The following HIP1 variants were observed in gnomAD, a reference collection of about 807,000 sequenced individuals.
HIP1 encodes the protein huntingtin-interacting protein 1.
Under a neutral mutation model 147.6 loss-of-function variants are expected in HIP1, and 65 were observed. The observed-to-expected ratio is 0.44, with a 90% CI of 0.36 to 0.54. The LOEUF is 0.54. Among genes scored for constraint, HIP1 ranks in the 20% least tolerant of loss-of-function variants. The probability of loss-of-function intolerance (pLI) is 0.00; values close to 1 mark genes in which losing one functional copy is unlikely to be tolerated. For missense variants in HIP1, 1,061 were observed against 1,299.6 expected, an observed-to-expected ratio of 0.82 and a Z score of 2.82; for synonymous variants, 479 against 504.0, an observed-to-expected ratio of 0.95 and a Z score of 0.67.
chr7:75,704,744 T>A (rs571306449), intron 1 of HIP1, among the ~76,000 whole-genome samples: 37 of 151,744 alleles, frequency 2.4e-4, no homozygotes, highest in African/African-American at 8.7e-4. Flanking sequence ...CGGCTAATTT[T>A]TGTATTTCTG....
intron 27 of HIP1, among the ~76,000 whole-genome samples, chr7:75,543,995 AC>A (rs1302707406): frequency 6.6e-6 from 1 of 151,536 alleles, no homozygotes; most frequent in Admixed American, 6.6e-5. Flanking sequence ...ACGCGGTGAA[AC>A]CCCGTCTCCA....
chr7:75,679,363 C>G (rs556592856), intron 1 of HIP1, among the ~76,000 whole-genome samples: 26 of 152,250 alleles, frequency 1.7e-4, no homozygotes, highest in Non-Finnish European at 3.5e-4. Context: ...ACCAGCACGC[C>G]TGGCTCATTT....
At position 75,556,697 on chromosome 7, in the gene HIP1, A is replaced by AT; in HGVS notation, c.1683+12_1683+13insA. 2.0e-6 allele frequency: 3 copies of AT among 1,515,000 alleles called. No individual in the cohort carries two copies. The highest frequency in any genetic ancestry group is 2.7e-6 in the Non-Finnish European group (3 of 1,099,104). The allele number at this position is 1,515,000 out of a possible 1,614,324, so 93.8% of individuals were successfully genotyped here. On this transcript the variant is annotated intron_variant, in intron 17 of 30. Coordinates refer to ENST00000336926, the MANE Select transcript of HIP1 (RefSeq NM_005338.7). ...GAAGACTCTATCTCCAAAAAAAAAAAGGAGGTATTTACCTGGGCAGAAGTT... is the reference window on the plus strand; with the variant it reads ...GAAGACTCTATCTCCAAAAAAAAAAATGGAGGTATTTACCTGGGCAGAAGTT...
rs1554501696 is a variant in HIP1 at position 75,595,251 on chromosome 7, TCTTCCTTC to T, written c.185-2745_185-2738del. Among the ~76,000 whole-genome samples the T allele has an allele frequency of 7.5e-3, 446 of 59,444 alleles. 12 individuals are homozygous for T. Among genetic ancestry groups the T allele is most frequent in the East Asian group, 0.027 (54 of 1,980 alleles). The allele number at this position is 59,444 out of a possible 152,430, so 39.0% of individuals were successfully genotyped here. On this transcript the variant is annotated intron_variant, in intron 2 of 30. Coordinates refer to ENST00000336926, the MANE Select transcript of HIP1 (RefSeq NM_005338.7). ...TTCTTTCTTTCTTTCTTTCTTTCTT[TCTTCCTTC>T]CTTCCTTCCTTCCTTCCTTCCTTCC... is the stretch of plus-strand genomic sequence containing the variant.
intron 29 of HIP1, 126 bp from the exon 30 acceptor site, chr7:75,539,557 AG>A: frequency 1.4e-6 from 1 of 696,342 alleles, no homozygotes; most frequent in Non-Finnish European, 2.4e-6. Context: ...TGGCCTCAAG[AG>A]ATCCTCCTGT....
intron 2 of HIP1, among the ~76,000 whole-genome samples, chr7:75,597,414 CT>C (rs1341022898): frequency 6.6e-6 from 1 of 152,174 alleles, no homozygotes; most frequent in Non-Finnish European, 1.5e-5. Flanking sequence ...AAGCTTCCCA[CT>C]GCAGACAGAA....
At chr7:75,729,482 A>G (rs1801763564) in intron 1 of HIP1, among the ~76,000 whole-genome samples, 1 of 151,626 alleles carries the variant, frequency 6.6e-6, no homozygotes, top group Admixed American at 6.6e-5. Flanking sequence ...GCAAGACTCT[A>G]TCTCTTAAAA....
At chr7:75,575,986 G>A (rs1795834055) in intron 7 of HIP1, among the ~76,000 whole-genome samples, 1 of 151,982 alleles carries the variant, frequency 6.6e-6, no homozygotes, top group South Asian at 2.1e-4. Flanking sequence ...AAAAGCAGCT[G>A]TCACTGCAAG....
At chr7:75,607,918 A>G (rs1554504139) in intron 1 of HIP1, among the ~76,000 whole-genome samples, 1 of 152,054 alleles carries the variant, frequency 6.6e-6, no homozygotes, top group African/African-American at 2.4e-5. Flanking sequence ...AATTCACAAG[A>G]TGAAATCCAG....
At chr7:75,667,460 C>A (rs189476674) in intron 1 of HIP1, among the ~76,000 whole-genome samples, 20 of 152,188 alleles carry the variant, frequency 1.3e-4, no homozygotes, top group African/African-American at 3.9e-4. Flanking sequence ...TTCTATAAAC[C>A]AAACTGTGTT....
At chr7:75,618,049 G>A (rs1173811364) in intron 1 of HIP1, among the ~76,000 whole-genome samples, 1 of 152,218 alleles carries the variant, frequency 6.6e-6, no homozygotes, top group African/African-American at 2.4e-5. Flanking sequence ...TTGTCAGCAA[G>A]AGTGGGAAAC....
At chr7:75,622,469 G>A (rs1178362199) in intron 1 of HIP1, among the ~76,000 whole-genome samples, 1 of 152,126 alleles carries the variant, frequency 6.6e-6, no homozygotes, top group East Asian at 1.9e-4. Context: ...GGGAGTCCAA[G>A]GAAGGAGGAT....
intron 1 of HIP1, among the ~76,000 whole-genome samples, chr7:75,610,868 A>G (rs1554504765): frequency 6.8e-6 from 1 of 147,594 alleles, no homozygotes; most frequent in African/African-American, 2.5e-5. Context: ...ATTTATATAT[A>G]TTAAAATTTT....
intron 1 of HIP1, among the ~76,000 whole-genome samples, chr7:75,711,067 A>AT (rs1801153312): frequency 6.6e-6 from 1 of 152,140 alleles, no homozygotes. Context: ...CTGTGGCAAT[A>AT]TTGTGCTCCC....
chr7:75,613,158 C>A (rs1797508462), intron 1 of HIP1, among the ~76,000 whole-genome samples: 1 of 151,932 alleles, frequency 6.6e-6, no homozygotes, highest in Non-Finnish European at 1.5e-5. Flanking sequence ...AGAAAATTGG[C>A]CATGGCAGGT....
intron 1 of HIP1, among the ~76,000 whole-genome samples, chr7:75,648,296 A>G (rs1798869339): frequency 6.6e-6 from 1 of 151,296 alleles, no homozygotes; most frequent in South Asian, 2.1e-4. Context: ...GGCTCGTCGG[A>G]GTAGTTGGGG....
rs1337813572 is a variant in HIP1, at chr7:75,567,236, T to C, written c.803+963A>G. Among the ~76,000 whole-genome samples, 3 of 149,796 alleles carry C rather than the reference T, an allele frequency of 2.0e-5. 1 individual carries two copies. The highest frequency in any genetic ancestry group is 5.0e-5 in the African/African-American group (2 of 39,978). The stretch of plus-strand genomic sequence containing the variant: ...TTAAGTATGCTATACAGATGTCAAA[T>C]TGGGGACAAGAGGCTGGCATTCAGA... On this transcript the variant is annotated intron_variant, in intron 9 of 30. Coordinates refer to ENST00000336926, the MANE Select transcript of HIP1 (RefSeq NM_005338.7).
At chr7:75,638,113 G>T (rs1798507797) in intron 1 of HIP1, among the ~76,000 whole-genome samples, 1 of 151,224 alleles carries the variant, frequency 6.6e-6, no homozygotes, top group Admixed American at 6.6e-5. Flanking sequence ...GGCCCTTGAG[G>T]GTTGCAAGGC....
At chr7:75,605,065 G>C (rs1554503637) in intron 1 of HIP1, among the ~76,000 whole-genome samples, 1 of 152,142 alleles carries the variant, frequency 6.6e-6, no homozygotes, top group East Asian at 1.9e-4. Context: ...AGGGAAAGGA[G>C]GGATAACTCG....
Sources: gnomAD v4.1 joint callset for allele counts (sites outside exome capture counted in the v4.1 genomes callset) on GRCh38, gnomAD v4.1.1 for gene constraint, MANE v1.5 for transcripts, NCBI Gene and HGNC (gene_info 2026-07-23, HGNC 2026-07-21) for gene names.